The following GPC6 variants were observed in gnomAD, a reference collection of about 807,000 sequenced individuals.
The protein encoded by GPC6 is glypican-6.
In GPC6, 14 loss-of-function variants were observed where a neutral mutation model predicts 55.2. The ratio of observed to expected loss-of-function variants is 0.25; its 90% CI spans 0.17 to 0.40. GPC6 has a LOEUF of 0.40. Among genes scored for constraint, GPC6 ranks in the 10% least tolerant of loss-of-function variants. The probability of loss-of-function intolerance (pLI) is 1.00; values close to 1 mark genes in which losing one functional copy is unlikely to be tolerated. For synonymous variants in GPC6, 278 were observed against 259.6 expected, an observed-to-expected ratio of 1.07 and a Z score of -0.68; for missense variants, 641 against 708.5, an observed-to-expected ratio of 0.90 and a Z score of 1.08.
intron 4 of GPC6, among the ~76,000 whole-genome samples, chr13:94,125,668 G>A (rs375361164): frequency 2.0e-4 from 30 of 151,884 alleles, no homozygotes; most frequent in African/African-American, 7.0e-4. Flanking sequence ...TCTGAACACT[G>A]ACTCATGTTA....
chr13:94,234,980 G>A lies in GPC6; in HGVS notation c.878-51369G>A, dbSNP rs557836107. Among the ~76,000 whole-genome samples the A allele has an allele frequency of 7.2e-5, 11 of 152,278 alleles. No individual in the cohort carries two copies. The South Asian group carries it at 2.1e-3, about 29-fold the overall frequency. ...GGAAAAGGGAAATGAGTTGTTCAAT[G>A]CATAGAGCCTTTTAGTCATGCAAGA... On this transcript the variant is annotated intron_variant, in intron 4 of 8. Transcript: ENST00000377047.
intron 4 of GPC6, among the ~76,000 whole-genome samples, chr13:94,070,865 T>C (rs539462595): frequency 6.6e-6 from 1 of 152,334 alleles, no homozygotes; most frequent in East Asian, 1.9e-4. Context: ...AATGAGTCTA[T>C]AACTCTGCTA....
At chr13:93,236,859 A>G (rs896718533) in intron 1 of GPC6, among the ~76,000 whole-genome samples, 8 of 152,172 alleles carry the variant, frequency 5.3e-5, no homozygotes, top group African/African-American at 1.9e-4. Context: ...ATTTAGGATA[A>G]TGGCCTCCAA....
At chr13:93,676,660 G>A (rs937535564) in intron 2 of GPC6, among the ~76,000 whole-genome samples, 1 of 152,088 alleles carries the variant, frequency 6.6e-6, no homozygotes, top group Non-Finnish European at 1.5e-5. Context: ...AAAATTTAAA[G>A]AGAAGCTTGA....
In GPC6 at chr13:94,405,603, G is replaced by A. The variant is rs1482354521; in HGVS notation, c.*2386G>A. On this transcript the variant is annotated 3_prime_UTR_variant, in exon 9 of 9. Coordinates refer to ENST00000377047, the MANE Select transcript of GPC6 (RefSeq NM_005708.5). ...CCCAAAAGGTTTTGTGCATGTGTAT[G>A]AATACACATAATATTAGTGAATGTG... The A allele has an allele frequency of 6.6e-6, 1 of 152,116 alleles. No homozygotes were observed. Among genetic ancestry groups the A allele is most frequent in the Non-Finnish European group, 1.5e-5 (1 of 68,004 alleles). The allele number at this position is 152,116 out of a possible 1,614,324, so 9.4% of individuals were successfully genotyped here.
At chr13:93,904,684 C>T (rs1168606541) in intron 3 of GPC6, among the ~76,000 whole-genome samples, 2 of 152,114 alleles carry the variant, frequency 1.3e-5, no homozygotes, top group Non-Finnish European at 2.9e-5. Context: ...TGCACTGAGC[C>T]ATGAGCATGC....
chr13:94,127,992 T>C (rs777862259), intron 4 of GPC6, among the ~76,000 whole-genome samples: 3 of 152,192 alleles, frequency 2.0e-5, no homozygotes, highest in Non-Finnish European at 2.9e-5. Flanking sequence ...GACAATGTTA[T>C]ACAGTCCACA....
At chr13:93,273,413 C>G (rs1368905848) in intron 1 of GPC6, among the ~76,000 whole-genome samples, 1 of 152,138 alleles carries the variant, frequency 6.6e-6, no homozygotes, top group Non-Finnish European at 1.5e-5. Context: ...AATCCCAGCA[C>G]TTTGGGAGGC....
At chr13:93,746,727 T>C (rs7993501) in intron 2 of GPC6, among the ~76,000 whole-genome samples, 67,183 of 152,000 alleles carry the variant, frequency 0.44, 16,016 homozygotes, top group East Asian at 0.75. Context: ...AAAGATTTGT[T>C]ATGGAACACA....
chr13:94,246,088 T>A (rs1381033187), intron 4 of GPC6, among the ~76,000 whole-genome samples: 2 of 152,122 alleles, frequency 1.3e-5, no homozygotes, highest in African/African-American at 4.8e-5. Context: ...ATAGCAGTTT[T>A]TGTTTTCATT....
intron 1 of GPC6, among the ~76,000 whole-genome samples, chr13:93,482,237 C>A (rs895907366): frequency 3.3e-5 from 5 of 151,998 alleles, no homozygotes; most frequent in African/African-American, 1.2e-4. Context: ...GAATTAACAG[C>A]CTTGCTAAAC....
upstream of GPC6, among the ~76,000 whole-genome samples, chr13:93,223,951 G>T (rs182867785): frequency 3.4e-4 from 48 of 142,388 alleles, no homozygotes; most frequent in Admixed American, 1.5e-3. Context: ...CCAGGCTGGG[G>T]TGCAGTGGCG....
chr13:93,556,416 A>ATG (rs1566422193), intron 2 of GPC6, among the ~76,000 whole-genome samples: 3 of 146,276 alleles, frequency 2.1e-5, no homozygotes, highest in African/African-American at 7.4e-5. Flanking sequence ...ATGTATATAT[A>ATG]TATATATATA....
At chr13:93,949,754 G>A (rs1402328465) in intron 3 of GPC6, among the ~76,000 whole-genome samples, 1 of 152,026 alleles carries the variant, frequency 6.6e-6, no homozygotes, top group African/African-American at 2.4e-5. Context: ...TTGAGGCTGG[G>A]TCTCATTCTG....
intron 2 of GPC6, among the ~76,000 whole-genome samples, chr13:93,558,997 C>G (rs1026441349): frequency 6.6e-6 from 1 of 152,144 alleles, no homozygotes; most frequent in Non-Finnish European, 1.5e-5. Flanking sequence ...TAGTGGCCCT[C>G]CCTTCAAAGC....
At chr13:93,774,276 T>G (rs960314509) in intron 2 of GPC6, among the ~76,000 whole-genome samples, 1 of 152,108 alleles carries the variant, frequency 6.6e-6, no homozygotes, top group African/African-American at 2.4e-5. Context: ...AGGGAATCAT[T>G]CACTGGAGCT....
chr13:93,763,475 C>A (rs1193081957), intron 2 of GPC6, among the ~76,000 whole-genome samples: 1 of 152,122 alleles, frequency 6.6e-6, no homozygotes, highest in Non-Finnish European at 1.5e-5. Context: ...CTTTGGGTAG[C>A]CCCCAGCTGT....
At chr13:93,851,968 A>G (rs1317167739) in intron 3 of GPC6, among the ~76,000 whole-genome samples, 1 of 151,768 alleles carries the variant, frequency 6.6e-6, no homozygotes, top group African/African-American at 2.4e-5. Flanking sequence ...TTTGGTAAGC[A>G]ATAGCAGATT....
chr13:93,990,645 C>T (rs900405237), intron 3 of GPC6, among the ~76,000 whole-genome samples: 2 of 151,638 alleles, frequency 1.3e-5, no homozygotes, highest in African/African-American at 4.8e-5. Flanking sequence ...TTGCTTGAGG[C>T]CAAGAAATCC....
Sources: allele counts gnomAD v4.1 joint callset (sites outside exome capture counted in the v4.1 genomes callset), GRCh38; gene constraint gnomAD v4.1.1; transcripts MANE v1.5; gene names NCBI Gene and HGNC (gene_info 2026-07-23, HGNC 2026-07-21).